Variants in MEI4 observed in about 807,000 individuals in gnomAD.
MEI4 encodes meiotic double-stranded break formation protein 4, also known as meiosis-specific protein MEI4.
In MEI4, 27 loss-of-function variants were observed where a neutral mutation model predicts 31.4. That is an observed-to-expected ratio of 0.86 (90% CI 0.63 to 1.19). The LOEUF (loss-of-function observed/expected upper bound fraction) is 1.19, where lower values mean the gene tolerates loss of function less well. Ranked by LOEUF, MEI4 falls within the 50% of genes most tolerant of loss-of-function variation. The probability of loss-of-function intolerance (pLI) is 0.00; values close to 1 mark genes in which losing one functional copy is unlikely to be tolerated. For synonymous variants in MEI4, 122 were observed against 145.4 expected (o/e 0.84, Z 1.16); for missense variants, 329 against 398.9 (o/e 0.82, Z 1.49).
intron 4 of MEI4, among the ~76,000 whole-genome samples, chr6:77,833,128 A>T (rs1375295680): frequency 6.6e-6 from 1 of 152,090 alleles, no homozygotes; most frequent in Non-Finnish European, 1.5e-5. Context: ...TAACATTAAG[A>T]AAATGTATCT....
intron 2 of MEI4, among the ~76,000 whole-genome samples, chr6:77,740,609 C>T (rs991602887): frequency 1.3e-5 from 2 of 151,892 alleles, no homozygotes; most frequent in African/African-American, 2.4e-5. Flanking sequence ...ATAAACATTG[C>T]TTTTAAGTAG....
At chr6:77,794,123 A>G (rs1401269032) in intron 3 of MEI4, among the ~76,000 whole-genome samples, 1 of 152,230 alleles carries the variant, frequency 6.6e-6, no homozygotes, top group Admixed American at 6.5e-5. Context: ...TTCCATTCAG[A>G]TAGTAAATAA....
In MEI4 at chr6:77,777,997, A is replaced by G. The variant is rs79533047; in HGVS notation, c.768+16332A>G. Among the ~76,000 whole-genome samples, 1,433 of 152,202 alleles carry G rather than the reference A, an allele frequency of 9.4e-3. 17 individuals are homozygous for G. Among genetic ancestry groups the G allele is most frequent in the African/African-American group, 0.032 (1,332 of 41,526 alleles). ...ATAAAACAAGGTAATTACTAACAAT[A>G]GGAAAAATTTACCAAAATGGAAAAG... On this transcript the variant is annotated intron_variant, in intron 3 of 4. Coordinates refer to ENST00000684080, the MANE Select transcript of MEI4 (RefSeq NM_001322247.2).
At chr6:77,791,044 G>A (rs1051220270) in intron 3 of MEI4, among the ~76,000 whole-genome samples, 2 of 152,056 alleles carry the variant, frequency 1.3e-5, no homozygotes, top group African/African-American at 4.8e-5. Flanking sequence ...AGGTGCTGGA[G>A]AGGATGTGGA....
At chr6:77,857,525 C>T (rs1231154892) in intron 4 of MEI4, among the ~76,000 whole-genome samples, 1 of 152,120 alleles carries the variant, frequency 6.6e-6, no homozygotes, top group Non-Finnish European at 1.5e-5. Flanking sequence ...GTCCCCCACC[C>T]CATTAAAGCA....
At chr6:77,733,762 T>C (rs1469524528) in intron 2 of MEI4, among the ~76,000 whole-genome samples, 1 of 152,100 alleles carries the variant, frequency 6.6e-6, no homozygotes, top group Non-Finnish European at 1.5e-5. Context: ...CTTGTGGGCA[T>C]TTAGTGCTAT....
intron 4 of MEI4, among the ~76,000 whole-genome samples, chr6:77,872,813 G>A (rs1392886332): frequency 6.9e-6 from 1 of 145,476 alleles, no homozygotes; most frequent in Non-Finnish European, 1.5e-5. Context: ...TCCCACCTAT[G>A]AGTGAGAACA....
chr6:77,759,331 ACT>A (rs906840423), intron 2 of MEI4, among the ~76,000 whole-genome samples: 23 of 151,548 alleles, frequency 1.5e-4, no homozygotes, highest in Middle Eastern at 3.4e-3. Flanking sequence ...CACTGCCCAT[ACT>A]CTCTCTGAAT....
intron 3 of MEI4, among the ~76,000 whole-genome samples, chr6:77,819,078 G>A (rs769288151): frequency 6.6e-5 from 10 of 152,092 alleles, no homozygotes; most frequent in African/African-American, 9.6e-5. Context: ...TAGACATACC[G>A]TACTTTTATT....
At chr6:77,743,297 T>G (rs1561969453) in intron 2 of MEI4, among the ~76,000 whole-genome samples, 1 of 152,054 alleles carries the variant, frequency 6.6e-6, no homozygotes. Flanking sequence ...TTTATTTCCT[T>G]GAGCAGTGGT....
intron 1 of MEI4, among the ~76,000 whole-genome samples, chr6:77,677,043 CA>C (rs1768857886): frequency 6.6e-6 from 1 of 152,086 alleles, no homozygotes; most frequent in Admixed American, 6.5e-5. Flanking sequence ...TATAGAGAGG[CA>C]AATTATGTGG....
chr6:77,787,298 C>T (rs1768764846), intron 3 of MEI4, among the ~76,000 whole-genome samples: 1 of 152,178 alleles, frequency 6.6e-6, no homozygotes, highest in African/African-American at 2.4e-5. Flanking sequence ...TGCTAATGGG[C>T]CTTCAATTTG....
intron 4 of MEI4, among the ~76,000 whole-genome samples, chr6:77,831,526 C>T (rs115042398): frequency 0.012 from 1,779 of 148,034 alleles, 39 homozygotes; most frequent in African/African-American, 0.043. Flanking sequence ...TATATATATA[C>T]CAAATAATAA....
intron 1 of MEI4, among the ~76,000 whole-genome samples, chr6:77,659,506 G>A (rs1426190164): frequency 5.9e-5 from 9 of 151,896 alleles, no homozygotes; most frequent in South Asian, 2.1e-4. Flanking sequence ...GGGTAACTGC[G>A]TAGAGGGGGA....
rs1756187117 is a variant in MEI4, at chr6:77,743,030, A to T, written c.233-18100A>T. On this transcript the variant is annotated intron_variant, in intron 2 of 4. Transcript: ENST00000684080. ...GCTGTTTTGGTTACTGTAGCCTTATAGTATAGTTTGAAGTCAGGTAGCGTG... is the reference window on the plus strand; with the variant it reads ...GCTGTTTTGGTTACTGTAGCCTTATTGTATAGTTTGAAGTCAGGTAGCGTG... Among the ~76,000 whole-genome samples the T allele has an allele frequency of 1.3e-5, 2 of 152,038 alleles. 1 individual carries two copies. Among genetic ancestry groups the T allele is most frequent in the Admixed American group, 1.3e-4 (2 of 15,280 alleles).
chr6:77,763,697 A>T (rs1395538983), intron 3 of MEI4, among the ~76,000 whole-genome samples: 3 of 152,218 alleles, frequency 2.0e-5, no homozygotes, highest in Non-Finnish European at 4.4e-5. Context: ...TCCTGACCTC[A>T]TAAAATGTGT....
chr6:77,752,721 A>G (rs1183811589), intron 2 of MEI4, among the ~76,000 whole-genome samples: 4 of 152,200 alleles, frequency 2.6e-5, no homozygotes, highest in Non-Finnish European at 4.4e-5. Flanking sequence ...CCATTAAGCT[A>G]CCACTGACTT....
chr6:77,841,333 A>ATATATATAATT, intron 4 of MEI4, among the ~76,000 whole-genome samples: 1 of 27,748 alleles, frequency 3.6e-5, no homozygotes, highest in African/African-American at 3.3e-4. Flanking sequence ...ATATATATAT[A>ATATATATAATT]TTTTTTTTTT....
intron 4 of MEI4, among the ~76,000 whole-genome samples, chr6:77,911,272 A>G (rs1411608336): frequency 1.3e-5 from 2 of 152,014 alleles, no homozygotes; most frequent in Non-Finnish European, 2.9e-5. Context: ...TTAGTTCAAT[A>G]TAGTCCAATT....
Sources: allele counts gnomAD v4.1 joint callset (sites outside exome capture counted in the v4.1 genomes callset), GRCh38; gene constraint gnomAD v4.1.1; transcripts MANE v1.5; gene names NCBI Gene and HGNC (gene_info 2026-07-23, HGNC 2026-07-21).